The following EVC variants were observed in gnomAD, a reference collection of about 807,000 sequenced individuals.
EVC encodes EvC ciliary complex subunit 1.
A neutral mutation model predicts 118.9 loss-of-function variants in EVC; 116 were observed. The observed-to-expected ratio is 0.98, with a 90% CI of 0.84 to 1.14. The LOEUF is 1.14. Ranked by LOEUF, EVC falls within the 50% of genes most tolerant of loss-of-function variation. The probability of loss-of-function intolerance (pLI) is 0.00; values close to 1 mark genes in which losing one functional copy is unlikely to be tolerated. For missense variants in EVC, 1,401 were observed against 1,246.4 expected (o/e 1.12, Z -1.87); for synonymous variants, 619 against 534.7 (o/e 1.16, Z -2.18).
intron 9 of EVC, 61 bp downstream of exon 9, chr4:5,753,113 T>C (rs1347550329): frequency 3.4e-6 from 5 of 1,469,194 alleles, no homozygotes; most frequent in South Asian, 1.2e-5. Context: ...CCTGGGGCTG[T>C]GCAGTGAGAG....
chr4:5,729,024 C>G (rs1030579503), intron 2 of EVC, among the ~76,000 whole-genome samples: 4 of 152,098 alleles, frequency 2.6e-5, no homozygotes, highest in African/African-American at 7.2e-5. Context: ...ATCCAACCAC[C>G]CATCTATTCA....
At chr4:5,806,049 G>A (rs900325283) in intron 17 of EVC, among the ~76,000 whole-genome samples, 17 of 151,366 alleles carry the variant, frequency 1.1e-4, no homozygotes, top group Middle Eastern at 3.4e-3. Flanking sequence ...TCGTCCCGCC[G>A]CCCTTCTGTG....
rs1728865908 is a variant in EVC at position 5,743,195 on chromosome 4, T to C, written c.801+1381T>C. Among the ~76,000 whole-genome samples, 2 of 152,118 alleles carry C rather than the reference T, an allele frequency of 1.3e-5. No individual in the cohort carries two copies. The highest frequency in any genetic ancestry group is 2.9e-5 in the Non-Finnish European group (2 of 68,022). ...AATGAGCAATGAGGGCAGCAAGGGA[T>C]CACTTTCATCACCATCCACTGGTTC... On this transcript the variant is annotated intron_variant, in intron 6 of 20. Coordinates refer to ENST00000264956, the MANE Select transcript of EVC (RefSeq NM_153717.3). This position sits in a 1 kb window ranked among gnomAD's most constrained non-coding sequence, Gnocchi z 4.7.
chr4:5,739,446 C>G (rs1379237264), intron 5 of EVC, among the ~76,000 whole-genome samples: 2 of 152,132 alleles, frequency 1.3e-5, no homozygotes, highest in African/African-American at 4.8e-5. Context: ...AGTTGCTGGG[C>G]ATTTTCTCAT....
At chr4:5,771,157 A>G (rs568913568) in intron 11 of EVC, among the ~76,000 whole-genome samples, 1 of 152,194 alleles carries the variant, frequency 6.6e-6, no homozygotes, top group Non-Finnish European at 1.5e-5. Context: ...GTTATGTTAC[A>G]TTTCTGGAGG....
intron 7 of EVC, among the ~76,000 whole-genome samples, chr4:5,747,658 A>G (rs1010237730): frequency 6.6e-6 from 1 of 152,200 alleles, no homozygotes; most frequent in Non-Finnish European, 1.5e-5. Flanking sequence ...GGGGGAGGGA[A>G]GATTTTAAAG....
At chr4:5,795,334 T>C (rs555108734) in intron 13 of EVC, among the ~76,000 whole-genome samples, 3 of 152,216 alleles carry the variant, frequency 2.0e-5, no homozygotes, top group South Asian at 2.1e-4. Context: ...AGCTATGGAA[T>C]TGGATAATAC....
rs991853421 is a variant in EVC at position 5,756,731 on chromosome 4, G to T, written c.1563+369G>T. Among the ~76,000 whole-genome samples, 1 of 152,206 alleles carries T rather than the reference G, an allele frequency of 6.6e-6. No individual in the cohort carries two copies. The highest frequency in any genetic ancestry group is 1.5e-5 in the Non-Finnish European group (1 of 68,042). ...AGAAGGGGTTCTGGGCTGAAATGGG[G>T]ACGTCAGAGATCACATGCCACACCA... is the stretch of plus-strand genomic sequence containing the variant. On this transcript the variant is annotated intron_variant, in intron 11 of 20. Coordinates refer to ENST00000264956, the MANE Select transcript of EVC (RefSeq NM_153717.3). The surrounding 1 kb of genome is among the most constrained non-coding windows in gnomAD (Gnocchi z 4.2).
intron 12 of EVC, among the ~76,000 whole-genome samples, chr4:5,790,332 G>T (rs1204474838): frequency 6.6e-6 from 1 of 152,200 alleles, no homozygotes; most frequent in African/African-American, 2.4e-5. Flanking sequence ...GTAGTTTTGT[G>T]AGAGTTAAGT....
chr4:5,783,568 C>T lies in EVC; in HGVS notation c.1580C>T (p.Thr527Ile). 1 of 1,614,128 alleles carries T rather than the reference C, an allele frequency of 6.2e-7. No individual in the cohort carries two copies. The highest frequency in any genetic ancestry group is 8.5e-7 in the Non-Finnish European group (1 of 1,180,016). ...CCGCTCCAGGAGCTGTACTTCAGCA[C>T]CGTGGACACTTTCCAGAAGTTCGTG... ...VALCQELYFS[T>I]VDTFQKFVDA... Residue 527 changes from threonine to isoleucine, a missense_variant, in exon 12 of 21, where the codon ACC becomes ATC. Transcript: ENST00000264956.
At chr4:5,732,758 C>T (rs1727023858) in intron 4 of EVC, among the ~76,000 whole-genome samples, 1 of 152,196 alleles carries the variant, frequency 6.6e-6, no homozygotes, top group Non-Finnish European at 1.5e-5. Context: ...TGCCTGTAAT[C>T]CCAACATTTG....
At chr4:5,721,086 A>G (rs920717681) in intron 2 of EVC, among the ~76,000 whole-genome samples, 3 of 151,920 alleles carry the variant, frequency 2.0e-5, no homozygotes, top group Admixed American at 6.5e-5. Flanking sequence ...CTTCAGGTGC[A>G]TGGCATCTCC....
chr4:5,779,951 C>A (rs1459108725), intron 11 of EVC, among the ~76,000 whole-genome samples: 1 of 151,192 alleles, frequency 6.6e-6, no homozygotes, highest in Non-Finnish European at 1.5e-5. Context: ...CAGTTTTTGC[C>A]CATTCAGTGT....
Position 5,743,529 on chromosome 4 carries a change from C to CT in EVC, c.802-1672dup, listed in dbSNP as rs755583920. 6.6e-6 allele frequency among the ~76,000 whole-genome samples: 1 copy of CT among 152,216 alleles called. No individual in the cohort carries two copies. The highest frequency in any genetic ancestry group is 6.5e-5 in the Admixed American group (1 of 15,276). On this transcript the variant is annotated intron_variant, in intron 6 of 20. Coordinates refer to ENST00000264956, the MANE Select transcript of EVC (RefSeq NM_153717.3). This position sits in a 1 kb window ranked among gnomAD's most constrained non-coding sequence, Gnocchi z 4.7. ...GCACCACCATCACCACCTTTATCATCTTTCCTGCTACCTCTACCTTCACCT... is the reference window on the plus strand; with the variant it reads ...GCACCACCATCACCACCTTTATCATCTTTTCCTGCTACCTCTACCTTCACCT...
intron 12 of EVC, among the ~76,000 whole-genome samples, chr4:5,784,100 G>A (rs1001134798): frequency 1.3e-5 from 2 of 152,126 alleles, no homozygotes; most frequent in Admixed American, 6.5e-5. Context: ...TGGGAGAAGC[G>A]GCACACAGGA....
At chr4:5,725,099 A>G (rs1240817707) in intron 2 of EVC, among the ~76,000 whole-genome samples, 1 of 152,106 alleles carries the variant, frequency 6.6e-6, no homozygotes, top group African/African-American at 2.4e-5. Flanking sequence ...GTGTATATGT[A>G]CCACATTTTC....
rs549557029 is a variant in EVC at position 5,790,201 on chromosome 4, C to T, written c.1777-3407C>T. ...ATCTCAAAAAAAAAAAAAAAGACAA[C>T]GATGACTGTGCAGAATTTTCTAGAA... On this transcript the variant is annotated intron_variant, in intron 12 of 20. Coordinates refer to ENST00000264956, the MANE Select transcript of EVC (RefSeq NM_153717.3). Among the ~76,000 whole-genome samples the T allele has an allele frequency of 1.7e-4, 19 of 110,298 alleles. 1 individual carries two copies. The highest frequency in any genetic ancestry group is 5.5e-4 in the South Asian group (2 of 3,648). The allele number at this position is 110,298 out of a possible 152,430, so 72.4% of individuals were successfully genotyped here. A position where few individuals can be genotyped will look rare whatever the true frequency, so the allele number is the denominator to read the frequency against.
At chr4:5,786,681 G>C (rs1232011465) in intron 12 of EVC, among the ~76,000 whole-genome samples, 1 of 152,134 alleles carries the variant, frequency 6.6e-6, no homozygotes, top group Non-Finnish European at 1.5e-5. Context: ...AGACCATCCT[G>C]GCTAACATGG....
Position 5,804,774 on chromosome 4 carries a change from A to G in EVC, c.2494A>G (p.Ser832Gly). The change falls in exon 17 of 21, where the codon AGC becomes GGC. Residue 832 changes from serine to glycine, a missense_variant. Physicochemically the swap from Ser to Gly is moderately conservative, Grantham distance 56. Coordinates refer to ENST00000264956, the MANE Select transcript of EVC (RefSeq NM_153717.3). Reference sequence around the variant, plus strand: ...CAAACTGCGGAAAAAGCAAGAACTCAGCAACCCTTCGTCGGGCAGCAGGAC... The same window carrying G: ...CAAACTGCGGAAAAAGCAAGAACTCGGCAACCCTTCGTCGGGCAGCAGGAC... The part of the protein sequence containing the change: ...NYKLRKKQEL[S>G]NPSSGSRTAG... The G allele has an allele frequency of 6.2e-7, 1 of 1,614,180 alleles. No homozygotes were observed. The highest frequency in any genetic ancestry group is 8.5e-7 in the Non-Finnish European group (1 of 1,180,044).
Sources: allele counts gnomAD v4.1 joint callset (sites outside exome capture counted in the v4.1 genomes callset), GRCh38; gene constraint gnomAD v4.1.1; non-coding constraint Gnocchi (gnomAD v3.1); transcripts MANE v1.5; gene names NCBI Gene and HGNC (gene_info 2026-07-23, HGNC 2026-07-21).